Variants in HSPG2 observed in about 807,000 individuals in gnomAD.
HSPG2 encodes basement membrane-specific heparan sulfate proteoglycan core protein.
Under a neutral mutation model 526.6 loss-of-function variants are expected in HSPG2, and 278 were observed. The ratio of observed to expected loss-of-function variants is 0.53; its 90% CI spans 0.48 to 0.58. The LOEUF is 0.58. HSPG2 is among the 20% of genes least tolerant of loss of function. The probability of loss-of-function intolerance (pLI) is 0.00; values close to 1 mark genes in which losing one functional copy is unlikely to be tolerated. For synonymous variants in HSPG2, 2,465 were observed against 2,555.4 expected (o/e 0.96, Z 1.07); for missense variants, 5,354 against 6,099.5 (o/e 0.88, Z 4.07).
intron 1 of HSPG2, among the ~76,000 whole-genome samples, chr1:21,913,464 G>C (rs1296288587): frequency 6.6e-6 from 1 of 152,210 alleles, no homozygotes; most frequent in Non-Finnish European, 1.5e-5. Context: ...CCTTCGACCA[G>C]GAATGTCTGC....
chr1:21,934,088 C>T (rs376732700), intron 1 of HSPG2, among the ~76,000 whole-genome samples: 1 of 152,186 alleles, frequency 6.6e-6, no homozygotes, highest in South Asian at 2.1e-4. Context: ...CCAGGCCCAG[C>T]CCCCTCCTCC....
chr1:21,927,018 C>G (rs939321806), intron 1 of HSPG2, among the ~76,000 whole-genome samples: 7 of 152,036 alleles, frequency 4.6e-5, no homozygotes, highest in African/African-American at 1.7e-4. Flanking sequence ...GGGAGAGAGC[C>G]ATGGGCAGGC....
rs369084217 is a variant in HSPG2, at chr1:21,833,363, G to C, written c.11000C>G (p.Thr3667Arg). The C allele has an allele frequency of 9.3e-6, 15 of 1,614,046 alleles. No homozygotes were observed. The South Asian group carries it at 1.4e-4, about 15-fold the overall frequency. The change falls in exon 80 of 97, where the codon ACG (threonine) becomes AGG (arginine). Residue 3667 changes from threonine (T) to arginine (R), a missense_variant. Physicochemically the swap from Thr to Arg is moderately conservative, Grantham distance 71. Transcript: ENST00000374695. ...QVPERVVPYF[T>R]QTPYSFLPLP... Reference sequence around the variant, plus strand: ...CGGTAGGAAGGAGTAGGGGGTCTGCGTGAAGTAGGGCACCACCCGCTCTGC... The same window carrying C: ...CGGTAGGAAGGAGTAGGGGGTCTGCCTGAAGTAGGGCACCACCCGCTCTGC...
rs370497343 is a variant in HSPG2, at chr1:21,893,547, G to A, written c.244+2375C>T. Among the ~76,000 whole-genome samples the A allele has an allele frequency of 6.6e-6, 1 of 152,128 alleles. No individual in the cohort carries two copies. The highest frequency in any genetic ancestry group is 2.4e-5 in the African/African-American group (1 of 41,422). ...AGAGAGGATGGGGAGGGAGGCAGAG[G>A]GAGAGCAGCGCTCCCACCTGGCCAG... On this transcript the variant is annotated intron_variant, in intron 3 of 96. Transcript: ENST00000374695. The surrounding 1 kb of genome is among the most constrained non-coding windows in gnomAD (Gnocchi z 4.3).
At position 21,885,020 on chromosome 1, in the gene HSPG2, G is replaced by A. The variant is rs936614499; in HGVS notation, c.1348C>T (p.His450Tyr). The change falls in exon 11 of 97, where the codon CAT becomes TAT. Residue 450 changes from histidine (H) to tyrosine (Y), a missense_variant. By Grantham distance (83) the His-to-Tyr change is moderately conservative (BLOSUM62 2). Coordinates refer to ENST00000374695, the MANE Select transcript of HSPG2 (RefSeq NM_005529.7). ...CTGGGCCCAGAGCCGCACCTGGGAT[G>A]AGAGGGGATGTGGCCCCAGTTGAGC... ...WRLNWGHIPS[H>Y]PRVTVTSEGG... 6.2e-7 allele frequency: 1 copy of A among 1,613,956 alleles called. No individual in the cohort carries two copies.
chr1:21,849,213 G>A (rs889888663), intron 57 of HSPG2, among the ~76,000 whole-genome samples, 182 bp from the exon 58 acceptor site: 13 of 152,338 alleles, frequency 8.5e-5, no homozygotes, highest in Middle Eastern at 3.4e-3. Context: ...TGGGTCTAGC[G>A]TCCCACCTCA....
chr1:21,873,551 C>G, intron 29 of HSPG2, 127 bp from the exon 30 acceptor site: 1 of 981,744 alleles, frequency 1.0e-6, no homozygotes, highest in South Asian at 1.3e-5. Context: ...CTGACTCGCC[C>G]ATGTTACGGG....
chr1:21,839,603 G>A lies in HSPG2; in HGVS notation c.9710-53C>T, dbSNP rs779152657. On this transcript the variant is annotated intron_variant, in intron 72 of 96. Transcript: ENST00000374695. The surrounding 1 kb of genome is among the most constrained non-coding windows in gnomAD (Gnocchi z 4.5). ...AGTCACTGGGCTACCTCAGGGACCC[G>A]CAGAGGGTGGCCATGGTGAGGAAGG... is the stretch of plus-strand genomic sequence containing the variant. The A allele has an allele frequency of 2.2e-5, 35 of 1,589,632 alleles. No homozygotes were observed. The highest frequency in any genetic ancestry group is 9.1e-5 in the East Asian group (4 of 44,194).
intron 10 of HSPG2, 76 bp downstream of exon 10, chr1:21,885,244 G>A: frequency 6.2e-7 from 1 of 1,609,106 alleles, no homozygotes; most frequent in Non-Finnish European, 8.5e-7. Context: ...AGGGAGAAGG[G>A]TGGAGGCTGA....
intron 44 of HSPG2, 105 bp downstream of exon 44, chr1:21,856,910 G>T: frequency 3.3e-6 from 4 of 1,214,964 alleles, no homozygotes; most frequent in Non-Finnish European, 4.9e-6. Flanking sequence ...CAGGCATGCA[G>T]CAGGTGCTCA....
At chr1:21,920,552 G>A (rs1489998226) in intron 1 of HSPG2, among the ~76,000 whole-genome samples, 2 of 152,194 alleles carry the variant, frequency 1.3e-5, no homozygotes, top group African/African-American at 4.8e-5. Flanking sequence ...CTTATAAAGT[G>A]GTCCAAGCTG....
chr1:21,890,347 G>A lies in HSPG2; in HGVS notation c.413+80C>T. On this transcript the variant is annotated intron_variant, in intron 5 of 96. Transcript: ENST00000374695. The surrounding 1 kb of genome is among the most constrained non-coding windows in gnomAD (Gnocchi z 4.1). ...TCCCATAGGCCTTTCCGCGGTGCCA[G>A]GCTTCCTTCCCATCCTCATCAGCCC... The A allele has an allele frequency of 6.9e-7, 1 of 1,453,478 alleles. No individual in the cohort carries two copies. The highest frequency in any genetic ancestry group is 1.7e-5 in the Admixed American group (1 of 59,764). 90.0% of individuals were successfully genotyped at this position (1,453,478 alleles called of 1,614,324 possible).
At position 21,852,794 on chromosome 1, in the gene HSPG2, C is replaced by T. The variant is rs149659526; in HGVS notation, c.6630G>A (p.Pro2210=). 64 of 1,544,220 alleles carry T rather than the reference C, an allele frequency of 4.1e-5. No individual in the cohort carries two copies. In the African/African-American group the frequency reaches 6.5e-4, roughly 16 times the overall value. The change falls in exon 52 of 97, where the codon CCG becomes CCA. Residue 2210 remains proline, a synonymous_variant. Transcript: ENST00000374695. ...GGCACACATACTCGCCTGAGTCGGC[C>T]GGGGTCACCTGGTGCAGCCGCAGCA... The part of the protein sequence containing the change: ...GSLLRLHQVT[P]ADSGEYVCHV...
chr1:21,870,882 G>A lies in HSPG2; in HGVS notation c.4221+1304C>T, dbSNP rs371576729. 62 of 986,278 alleles carry A rather than the reference G, an allele frequency of 6.3e-5. No individual in the cohort carries two copies. In the South Asian group the frequency reaches 2.2e-3, roughly 34 times the overall value. 61.1% of individuals were successfully genotyped at this position (986,278 alleles called of 1,614,324 possible). On this transcript the variant is annotated intron_variant, in intron 33 of 96. Coordinates refer to ENST00000374695, the MANE Select transcript of HSPG2 (RefSeq NM_005529.7). ...CAAAGTACGCCTCCCCCTGTGGGGC[G>A]CAGGGAAATGCCAGGACAGGAGACA...
chr1:21,903,462 G>A (rs1211865376), intron 1 of HSPG2, among the ~76,000 whole-genome samples: 6 of 152,194 alleles, frequency 3.9e-5, no homozygotes, highest in Admixed American at 2.6e-4. Context: ...TTATCTGGGC[G>A]TGGTGGCGTG....
rs375111629 is a variant in HSPG2, at chr1:21,884,554, C to A, written c.1628G>T (p.Arg543Leu). Reference sequence around the variant, plus strand: ...CTTGAAGTCATCGGGTTGGTCAAAGCGCAGCCTGATCTGGTCCCGGAAGCG... The same window carrying A: ...CTTGAAGTCATCGGGTTGGTCAAAGAGCAGCCTGATCTGGTCCCGGAAGCG... Reference protein sequence around the residue: ...TRRFRDQIRLRFDQPDDFKGV... With the variant: ...TRRFRDQIRLLFDQPDDFKGV... Residue 543 changes from arginine (R) to leucine (L), a missense_variant, in exon 13 of 97, where the codon CGC becomes CTC. Arg to Leu is a moderately radical substitution (Grantham distance 102, BLOSUM62 -2). Transcript: ENST00000374695. 1.4e-5 allele frequency: 22 copies of A among 1,611,172 alleles called. No homozygotes were observed. The highest frequency in any genetic ancestry group is 1.9e-5 in the Non-Finnish European group (22 of 1,179,930).
At chr1:21,916,980 C>T (rs879474665) in intron 1 of HSPG2, among the ~76,000 whole-genome samples, 5 of 152,214 alleles carry the variant, frequency 3.3e-5, no homozygotes, top group Non-Finnish European at 7.3e-5. Flanking sequence ...AAACGGCTAA[C>T]GGAAATCGAA....
At chr1:21,874,855 G>A in intron 26 of HSPG2, 36 bp downstream of exon 26, 3 of 1,566,268 alleles carry the variant, frequency 1.9e-6, no homozygotes, top group South Asian at 2.3e-5. Flanking sequence ...CACCATGGAG[G>A]GGGCTGGCTG....
chr1:21,824,526 C>A lies in HSPG2; in HGVS notation c.12744+11G>T, dbSNP rs1557664606. ...GGAGCCCCAAGAGCCCAGCCGGATA[C>A]CCACACTCACCACACCCTGCCAGAG... On this transcript the variant is annotated intron_variant, in intron 93 of 96. Transcript: ENST00000374695. The surrounding 1 kb of genome is among the most constrained non-coding windows in gnomAD (Gnocchi z 5.9). 1 of 1,612,986 alleles carries A rather than the reference C, an allele frequency of 6.2e-7. No homozygotes were observed. Among genetic ancestry groups the A allele is most frequent in the Non-Finnish European group, 8.5e-7 (1 of 1,179,892 alleles).
Sources: gnomAD v4.1 joint callset for allele counts (sites outside exome capture counted in the v4.1 genomes callset) on GRCh38, gnomAD v4.1.1 for gene constraint, Gnocchi (gnomAD v3.1) non-coding constraint, MANE v1.5 for transcripts, NCBI Gene and HGNC (gene_info 2026-07-23, HGNC 2026-07-21) for gene names.